PPOX: variants seen among roughly 807,000 people sequenced by gnomAD.
PPOX encodes protoporphyrinogen oxidase.
Under a neutral mutation model 54.1 loss-of-function variants are expected in PPOX, and 23 were observed. That is an observed-to-expected ratio of 0.43 (90% CI 0.31 to 0.60). The LOEUF (loss-of-function observed/expected upper bound fraction) is 0.60. Ranked by LOEUF, PPOX falls within the 20% of genes least tolerant of loss-of-function variation. The pLI is 0.13. For synonymous variants in PPOX, 224 were observed against 236.1 expected (o/e 0.95, Z 0.47); for missense variants, 512 against 601.1 (o/e 0.85, Z 1.55).
At chr1:161,173,670 C>T, downstream of PPOX, 9 of 1,614,174 alleles carry the variant, frequency 5.6e-6, no homozygotes, top group Non-Finnish European at 7.6e-6. Flanking sequence ...CATTCATCTT[C>T]AGGTACTGGT....
In PPOX at chr1:161,170,729, T is replaced by G; in HGVS notation, c.1208T>G (p.Leu403Arg). 6.2e-7 allele frequency: 1 copy of G among 1,614,104 alleles called. No individual in the cohort carries two copies. The highest frequency in any genetic ancestry group is 1.3e-5 in the African/African-American group (1 of 75,028). ...AQEAAATQLG[L>R]KEMPSHCLVH... ...GAAGCAGCTGCTACACAATTAGGAC[T>G]GAAGGAGATGCCGAGCCACTGCTTG... is the stretch of plus-strand genomic sequence containing the variant. The change falls in exon 11 of 13, where the codon CTG becomes CGG. Residue 403 changes from leucine (L) to arginine (R), a missense_variant. Leu to Arg is a moderately radical substitution (Grantham distance 102). Coordinates refer to ENST00000367999, the MANE Select transcript of PPOX (RefSeq NM_001122764.3).
At chr1:161,172,891 GAAAGA>G (rs566012114), downstream of PPOX, among the ~76,000 whole-genome samples, 22 of 150,162 alleles carry the variant, frequency 1.5e-4, no homozygotes, top group African/African-American at 3.4e-4. Flanking sequence ...AAAAACGAAA[GAAAGA>G]AAAGAAAAGG....
chr1:161,175,059 C>T (rs1447729429), downstream of PPOX: 2 of 1,613,926 alleles, frequency 1.2e-6, no homozygotes, highest in African/African-American at 2.7e-5. Flanking sequence ...GGTGGTAGAG[C>T]AGCAGGCGCA....
chr1:161,176,752 G>GTCAGGTTCATACTTA, intron 4 of PPOX: 1 of 952,720 alleles, frequency 1.0e-6, no homozygotes. Flanking sequence ...AATGATAAGT[G>GTCAGGTTCATACTTA]TCAGGTTCAT....
chr1:161,173,753 C>G (rs772550720), downstream of PPOX: 1 of 1,613,874 alleles, frequency 6.2e-7, no homozygotes, highest in Non-Finnish European at 8.5e-7. Context: ...TCCTTGCATA[C>G]CCCGAGTCTT....
intron 2 of PPOX, 79 bp downstream of exon 2, chr1:161,167,013 C>T (rs1008266031): frequency 2.5e-6 from 4 of 1,611,754 alleles, no homozygotes; most frequent in African/African-American, 2.7e-5. Flanking sequence ...GGATCCTGGC[C>T]CTCTGAATAT....
chr1:161,174,322 G>A (rs1401829148), downstream of PPOX, among the ~76,000 whole-genome samples: 3 of 151,668 alleles, frequency 2.0e-5, no homozygotes, highest in African/African-American at 7.3e-5. Context: ...CAGGAGAATG[G>A]CGTAAAACCC....
chr1:161,168,113 CGCCTTGGACCTGAGGTGACACTT>C lies in PPOX; in HGVS notation c.461_471+12del. On this transcript the variant is annotated splice_donor_variant and splice_donor_5th_base_variant and coding_sequence_variant and intron_variant, in exon 5 of 13. Transcript: ENST00000367999. LOFTEE classifies it high-confidence loss of function. ...GACTGTGCACAGTTTTGCCCAGCGC[CGCCTTGGACCTGAGGTGACACTT>C]GCCCAGAGGCCCCAAACCTCTTCCC... The C allele has an allele frequency of 1.2e-6, 2 of 1,614,172 alleles. No individual in the cohort carries two copies. Among genetic ancestry groups the C allele is most frequent in the Non-Finnish European group, 1.7e-6 (2 of 1,180,028 alleles).
chr1:161,176,166 TAA>T (rs1663441173), downstream of PPOX: 2 of 1,391,778 alleles, frequency 1.4e-6, no homozygotes, highest in African/African-American at 2.9e-5. Context: ...ATGCCAGGGG[TAA>T]AGAGGAAAAA....
At chr1:161,168,724 C>T in intron 6 of PPOX, 148 bp downstream of exon 6, 2 of 1,138,932 alleles carry the variant, frequency 1.8e-6, no homozygotes, top group South Asian at 1.5e-5. Flanking sequence ...GTGGTGCAAT[C>T]TCAGATCGGC....
chr1:161,167,940 G>A (rs1659709461), intron 4 of PPOX, 55 bp from the exon 5 acceptor site: 10 of 1,613,102 alleles, frequency 6.2e-6, no homozygotes, highest in Middle Eastern at 1.8e-4. Context: ...CCCAGCGCCT[G>A]GAGCTGGGGA....
At chr1:161,176,635 C>T in intron 4 of PPOX, 1 of 579,140 alleles carries the variant, frequency 1.7e-6, no homozygotes. Flanking sequence ...AGATCAGGAT[C>T]AGGGTGAAGC....
chr1:161,166,255 C>A, upstream of PPOX: 2 of 965,154 alleles, frequency 2.1e-6, no homozygotes, highest in Non-Finnish European at 2.5e-6. Flanking sequence ...CGGGTACGGC[C>A]GCTCACTCCC....
At chr1:161,176,931 A>T (rs1056165296) in exon 5 of PPOX, 3 of 1,536,226 alleles carry the variant, frequency 2.0e-6, no homozygotes, top group Non-Finnish European at 2.6e-6. Flanking sequence ...AGTAGGAAAC[A>T]GGCTCCTTCT....
At chr1:161,174,055 A>C (rs936644055), downstream of PPOX, 8 of 1,612,476 alleles carry the variant, frequency 5.0e-6, no homozygotes, top group African/African-American at 1.1e-4. Flanking sequence ...CCAGCCTGGA[A>C]GATAATGGAG....
downstream of PPOX, chr1:161,174,129 C>T (rs112810680): frequency 0.084 from 123,547 of 1,478,312 alleles, 5,861 homozygotes; most frequent in Non-Finnish European, 0.098. Flanking sequence ...AAGTGAAGGC[C>T]GGGCGCGGTG....
chr1:161,166,499 G>A lies in PPOX; in HGVS notation c.-182G>A. ...TTTGAAGCACTTGTTGGCCTACAGAGGTGTGGCAAGCAGAGCACCTCAGAA... is the reference window on the plus strand; with the variant it reads ...TTTGAAGCACTTGTTGGCCTACAGAAGTGTGGCAAGCAGAGCACCTCAGAA... On this transcript the variant is annotated 5_prime_UTR_variant, in exon 1 of 13. Transcript: ENST00000367999. 7.6e-7 allele frequency: 1 copy of A among 1,308,038 alleles called. No individual in the cohort carries two copies. Among genetic ancestry groups the A allele is most frequent in the Middle Eastern group, 3.0e-4 (1 of 3,298 alleles). The allele number at this position is 1,308,038 out of a possible 1,614,324, so 81.0% of individuals were successfully genotyped here. A position where few individuals can be genotyped will look rare whatever the true frequency, so the allele number is the denominator to read the frequency against.
At chr1:161,170,353 G>C in intron 9 of PPOX, 56 bp from the exon 10 acceptor site, 2 of 1,029,108 alleles carry the variant, frequency 1.9e-6, no homozygotes, top group East Asian at 3.0e-5. Flanking sequence ...ATGGGAAGGA[G>C]AGACAGCCTC....
chr1:161,170,320 G>GGGGCGCCCCC, intron 9 of PPOX, 89 bp from the exon 10 acceptor site: 1 of 494,792 alleles, frequency 2.0e-6, no homozygotes, highest in Non-Finnish European at 4.0e-6. Flanking sequence ...GTGAGACTCT[G>GGGGCGCCCCC]TCCCCCCCAC....
Sources: allele counts gnomAD v4.1 joint callset (sites outside exome capture counted in the v4.1 genomes callset), GRCh38; gene constraint gnomAD v4.1.1; transcripts MANE v1.5; gene names NCBI Gene and HGNC (gene_info 2026-07-23, HGNC 2026-07-21).